CEMIP2: variants seen among roughly 807,000 people sequenced by gnomAD.
CEMIP2 encodes the protein cell surface hyaluronidase CEMIP2.
CEMIP2 carries 79 observed loss-of-function variants against 146.9 expected under a neutral mutation model. The ratio of observed to expected loss-of-function variants is 0.54; its 90% confidence interval spans 0.45 to 0.65. The LOEUF (loss-of-function observed/expected upper bound fraction) is 0.65, where lower values mean the gene tolerates loss of function less well. Ranked by LOEUF, CEMIP2 falls within the 30% of genes least tolerant of loss-of-function variation. The pLI, the probability that CEMIP2 is intolerant of heterozygous loss-of-function variation, is 0.00. For synonymous variants in CEMIP2, 601 were observed against 606.3 expected (o/e 0.99, Z 0.13); for missense variants, 1,596 against 1,696.2 (o/e 0.94, Z 1.04).
intron 11 of CEMIP2, among the ~76,000 whole-genome samples, chr9:71,723,148 A>AAAAC (rs1377582929): frequency 4.6e-5 from 7 of 151,606 alleles, no homozygotes; most frequent in Admixed American, 6.6e-5. Context: ...AAAAAAAAAA[A>AAAAC]AAAACAAAAC....
chr9:71,752,305 G>A (rs1161591244), intron 1 of CEMIP2, among the ~76,000 whole-genome samples: 1 of 151,398 alleles, frequency 6.6e-6, no homozygotes, highest in Non-Finnish European at 1.5e-5. Flanking sequence ...TCATAAGGAA[G>A]TTTAAACTAT....
At chr9:71,737,087 T>C (rs568044633) in intron 5 of CEMIP2, among the ~76,000 whole-genome samples, 1 of 146,586 alleles carries the variant, frequency 6.8e-6, no homozygotes, top group South Asian at 2.2e-4. Flanking sequence ...GCCCAGGAGG[T>C]CAAGGCTGCA....
chr9:71,720,630 G>A (rs1039213096), intron 12 of CEMIP2, among the ~76,000 whole-genome samples: 1 of 152,166 alleles, frequency 6.6e-6, no homozygotes, highest in Non-Finnish European at 1.5e-5. Flanking sequence ...TTGATGAACA[G>A]ATTAAATATC....
intron 15 of CEMIP2, 109 bp downstream of exon 15, chr9:71,714,825 G>T: frequency 1.8e-6 from 2 of 1,102,634 alleles, no homozygotes; most frequent in Non-Finnish European, 2.5e-6. Context: ...TAGGAAAAGA[G>T]TCTCATGGTA....
At position 71,734,968 on chromosome 9, in the gene CEMIP2, C is replaced by G; in HGVS notation, c.1231G>C (p.Glu411Gln). 6.2e-7 allele frequency: 1 copy of G among 1,611,734 alleles called. No individual in the cohort carries two copies. Among genetic ancestry groups the G allele is most frequent in the Admixed American group, 1.7e-5 (1 of 59,590 alleles). Residue 411 changes from glutamate (E) to glutamine (Q), a missense_variant, in exon 6 of 24, where the codon GAG (glutamate) becomes CAG (glutamine). Coordinates refer to ENST00000377044, the MANE Select transcript of CEMIP2 (RefSeq NM_013390.3). ...TTTAGCTTCACTCCATCTACAACCT[C>G]TACCCGGAATCCTGAAAGAGAAACG... ...EGVSLSGFRVEVVDGVKLNLL... is the reference protein window; with the variant it reads ...EGVSLSGFRVQVVDGVKLNLL...
At position 71,732,523 on chromosome 9, in the gene CEMIP2, G is replaced by C; in HGVS notation, c.1394-3C>G. On this transcript the variant is annotated splice_region_variant and splice_polypyrimidine_tract_variant and intron_variant, in intron 6 of 23. Coordinates refer to ENST00000377044, the MANE Select transcript of CEMIP2 (RefSeq NM_013390.3). ...CATGTGCAGGAACTGAGGGGTTTCT[G>C]GTTGATATGAGCAAGGAAAAAAAAG... 6.3e-7 allele frequency: 1 copy of C among 1,581,386 alleles called. No individual in the cohort carries two copies. The highest frequency in any genetic ancestry group is 8.5e-7 in the Non-Finnish European group (1 of 1,170,432).
At chr9:71,706,820 A>C (rs1023058550) in intron 17 of CEMIP2, among the ~76,000 whole-genome samples, 6 of 149,294 alleles carry the variant, frequency 4.0e-5, no homozygotes, top group African/African-American at 1.5e-4. Context: ...CTTATTATTT[A>C]TTTATTTATT....
chr9:71,697,842 T>C, intron 20 of CEMIP2, 143 bp downstream of exon 20: 3 of 813,734 alleles, frequency 3.7e-6, no homozygotes, highest in Non-Finnish European at 3.8e-6. Context: ...CGCTTCACAT[T>C]TTAGCATGGG....
intron 19 of CEMIP2, chr9:71,699,479 A>G (rs1340040363): frequency 1.2e-5 from 5 of 420,588 alleles, no homozygotes; most frequent in African/African-American, 4.2e-5. Flanking sequence ...AGAAAGAAAG[A>G]AAAAGAAAGA....
At chr9:71,694,980 G>A (rs1822351833) in intron 20 of CEMIP2, among the ~76,000 whole-genome samples, 2 of 152,146 alleles carry the variant, frequency 1.3e-5, no homozygotes, top group African/African-American at 4.8e-5. Context: ...TAGGAATGAG[G>A]AAAGAAGTGT....
chr9:71,717,947 C>T lies in CEMIP2; in HGVS notation c.2399+1G>A, dbSNP rs1189873662. 3.7e-6 allele frequency: 6 copies of T among 1,603,404 alleles called. No homozygotes were observed. Among genetic ancestry groups the T allele is most frequent in the East Asian group, 2.2e-5 (1 of 44,606 alleles). ...ATAATAACTTGGTAGAGAATACCCA[C>T]GCTGAATTTTGAACGATAATATCTC... On this transcript the variant is annotated splice_donor_variant, in intron 13 of 23. Coordinates refer to ENST00000377044, the MANE Select transcript of CEMIP2 (RefSeq NM_013390.3). LOFTEE classifies it high-confidence loss of function.
intron 5 of CEMIP2, among the ~76,000 whole-genome samples, chr9:71,739,196 C>T (rs973443566): frequency 3.3e-5 from 5 of 149,696 alleles, no homozygotes; most frequent in African/African-American, 1.2e-4. Flanking sequence ...ATAACATTTC[C>T]TACAAAGGAA....
At chr9:71,694,104 TTTA>T (rs1302547802) in intron 21 of CEMIP2, among the ~76,000 whole-genome samples, 6 of 25,950 alleles carry the variant, frequency 2.3e-4, no homozygotes, top group Non-Finnish European at 6.2e-4. Context: ...TTTATTTTTA[TTTA>T]TTTATTTATT....
chr9:71,707,124 G>A (rs1026796466), intron 17 of CEMIP2, among the ~76,000 whole-genome samples: 2 of 152,100 alleles, frequency 1.3e-5, no homozygotes, highest in Admixed American at 1.3e-4. Flanking sequence ...CACCATGCCC[G>A]GCCTTAGTTT....
rs79872255 is a variant in CEMIP2 at position 71,741,185 on chromosome 9, ATTTTTTT to A, written c.1035-960_1035-954del. Among the ~76,000 whole-genome samples the A allele has an allele frequency of 6.9e-5, 5 of 72,242 alleles. 1 individual carries two copies. The Admixed American group carries it at 7.3e-4, about 11-fold the overall frequency. The allele number at this position is 72,242 out of a possible 152,430, so 47.4% of individuals were successfully genotyped here. On this transcript the variant is annotated intron_variant, in intron 4 of 23. Coordinates refer to ENST00000377044, the MANE Select transcript of CEMIP2 (RefSeq NM_013390.3). ...CAGGCAAGGTTGAGAACTGAGTTAGATTTTTTTTTTTTTTTTTTTTTTTTTTTTGAGA... is the reference window on the plus strand; with the variant it reads ...CAGGCAAGGTTGAGAACTGAGTTAGATTTTTTTTTTTTTTTTTTTTTGAGA...
chr9:71,729,696 G>A (rs188097808), intron 10 of CEMIP2, 149 bp downstream of exon 10: 26 of 703,870 alleles, frequency 3.7e-5, no homozygotes, highest in African/African-American at 7.2e-5. Context: ...CATCTCTACC[G>A]TATTCTGCTC....
intron 21 of CEMIP2, among the ~76,000 whole-genome samples, chr9:71,693,996 G>T (rs1488788323): frequency 2.6e-5 from 4 of 152,180 alleles, no homozygotes; most frequent in Non-Finnish European, 4.4e-5. Context: ...CAGTAAGAAG[G>T]CACCATCTAT....
chr9:71,728,277 A>ATGTGTG (rs1452718074), intron 10 of CEMIP2, among the ~76,000 whole-genome samples: 2 of 10,782 alleles, frequency 1.9e-4, no homozygotes, highest in African/African-American at 3.8e-4. Flanking sequence ...ATATATATAT[A>ATGTGTG]TATGTATATA....
chr9:71,712,287 T>C (rs1564004433), intron 15 of CEMIP2, 27 bp from the exon 16 acceptor site: 20 of 1,610,126 alleles, frequency 1.2e-5, no homozygotes, highest in Non-Finnish European at 1.6e-5. Flanking sequence ...TTTTGTTTAA[T>C]GCATATGGGC....
Sources: allele counts gnomAD v4.1 joint callset (sites outside exome capture counted in the v4.1 genomes callset), GRCh38; gene constraint gnomAD v4.1.1; transcripts MANE v1.5; gene names NCBI Gene and HGNC (gene_info 2026-07-23, HGNC 2026-07-21).